The following GCNT2 variants were observed in gnomAD, a reference collection of about 807,000 sequenced individuals.
GCNT2 encodes N-acetyllactosaminide beta-1,6-N-acetylglucosaminyl-transferase.
GCNT2 carries 34 observed loss-of-function variants against 34.2 expected under a neutral mutation model. The ratio of observed to expected loss-of-function variants is 1.00; its 90% CI spans 0.76 to 1.32. The LOEUF (loss-of-function observed/expected upper bound fraction) is 1.32. GCNT2 is among the 40% of genes most tolerant of loss of function. GCNT2 has a pLI of 0.00. For synonymous variants in GCNT2, 212 were observed against 188.0 expected (o/e 1.13, Z -1.04); for missense variants, 584 against 489.4 (o/e 1.19, Z -1.82).
chr6:10,543,634 C>T (rs1581383677), intron 3 of GCNT2, among the ~76,000 whole-genome samples: 1 of 152,098 alleles, frequency 6.6e-6, no homozygotes, highest in East Asian at 1.9e-4. Context: ...TTTAGTTTAG[C>T]CCTTCTAGTG....
In GCNT2 at chr6:10,617,298, C is replaced by T. The variant is rs1021515814; in HGVS notation, c.926-4053C>T. 1.0e-3 allele frequency among the ~76,000 whole-genome samples: 155 copies of T among 152,334 alleles called. 1 individual carries two copies. Among genetic ancestry groups the T allele is most frequent in the African/African-American group, 3.5e-3 (147 of 41,580 alleles). On this transcript the variant is annotated intron_variant, in intron 3 of 4. Coordinates refer to ENST00000495262, the MANE Select transcript of GCNT2 (RefSeq NM_145649.5). ...CACTGCCCCGGGCGGCGGGGCCGGCCGGCTTCTCCGAGTGCTGGGCGCCCC... is the reference window on the plus strand; with the variant it reads ...CACTGCCCCGGGCGGCGGGGCCGGCTGGCTTCTCCGAGTGCTGGGCGCCCC...
At chr6:10,581,958 A>G in intron 3 of GCNT2, 1 of 498,202 alleles carries the variant, frequency 2.0e-6, no homozygotes, top group Non-Finnish European at 2.6e-6. Context: ...ATAATAAAAT[A>G]GTAATATATA....
chr6:10,574,137 G>A (rs894506111), intron 3 of GCNT2, among the ~76,000 whole-genome samples: 2 of 152,194 alleles, frequency 1.3e-5, no homozygotes, highest in African/African-American at 4.8e-5. Context: ...TTCTGTAGAA[G>A]AAGAAAGGAA....
chr6:10,552,803 A>G (rs1485120396), intron 3 of GCNT2, among the ~76,000 whole-genome samples: 2 of 152,158 alleles, frequency 1.3e-5, no homozygotes, highest in Non-Finnish European at 2.9e-5. Context: ...AGGGGAAAAA[A>G]CAAATCTCTG....
Position 10,529,253 on chromosome 6 carries a change from C to G in GCNT2, c.342C>G (p.Phe114Leu), listed in dbSNP as rs746388439. 8 of 1,614,004 alleles carry G rather than the reference C, an allele frequency of 5.0e-6. No homozygotes were observed. The highest frequency in any genetic ancestry group is 6.8e-6 in the Non-Finnish European group (8 of 1,180,016). Residue 114 changes from phenylalanine (F) to leucine (L), a missense_variant, in exon 3 of 5, where the codon TTC (phenylalanine) becomes TTG (leucine). Coordinates refer to ENST00000495262, the MANE Select transcript of GCNT2 (RefSeq NM_145649.5). ...HKDFGTFERL[F>L]RAIYMPQNVY... The stretch of plus-strand genomic sequence containing the variant: ...ACTTCGGCACTTTTGAGAGGCTCTT[C>G]AGGGCGATTTATATGCCCCAAAATG...
chr6:10,597,853 T>G (rs4712775), intron 3 of GCNT2, among the ~76,000 whole-genome samples: 75,615 of 152,082 alleles, frequency 0.5, 19,344 homozygotes, highest in Admixed American at 0.65. Context: ...ACTGCACAGT[T>G]AAAAACAGTA....
chr6:10,589,285 TGTGTGTG>T (rs1168452036), intron 3 of GCNT2, among the ~76,000 whole-genome samples: 1 of 149,320 alleles, frequency 6.7e-6, no homozygotes, highest in African/African-American at 2.5e-5. Flanking sequence ...GTGTTTCTAG[TGTGTGTG>T]GTGTGTAGTG....
chr6:10,533,711 C>T (rs1273449338), intron 3 of GCNT2, among the ~76,000 whole-genome samples: 3 of 138,326 alleles, frequency 2.2e-5, no homozygotes, highest in African/African-American at 8.3e-5. Context: ...ATCGCTTCAG[C>T]GATTTAGGAG....
intron 3 of GCNT2, chr6:10,557,065 C>A: frequency 6.2e-7 from 1 of 1,603,266 alleles, no homozygotes; most frequent in Non-Finnish European, 8.5e-7. Context: ...AAAATATCAC[C>A]CCAGGGGTGC....
At position 10,599,574 on chromosome 6, in the gene GCNT2, C is replaced by T. The variant is rs369563170; in HGVS notation, c.926-21777C>T. Among the ~76,000 whole-genome samples, 19 of 152,198 alleles carry T rather than the reference C, an allele frequency of 1.2e-4. No homozygotes were observed. In the East Asian group the frequency reaches 1.4e-3, roughly 11 times the overall value. On this transcript the variant is annotated intron_variant, in intron 3 of 4. Transcript: ENST00000495262. ...CATGAGGCCATGTACCTTCAGAGTC[C>T]GCCAGTGGTCCCCAGAGAATTGAGA...
At chr6:10,538,437 A>AAATAT (rs1554127249) in intron 3 of GCNT2, among the ~76,000 whole-genome samples, 82 of 73,316 alleles carry the variant, frequency 1.1e-3, no homozygotes, top group Non-Finnish European at 1.5e-3. Context: ...AAAAAAAAAA[A>AAATAT]ATATATATAT....
In GCNT2 at chr6:10,528,947, G is replaced by A. The variant is rs142352495; in HGVS notation, c.36G>A (p.Ala12=). Reference sequence around the variant, plus strand: ...CTTGGAAGCACTGTCTTTTTAGCGCGTCTCTTATCTCTGCCCTGATTTTTG... The same window carrying A: ...CTTGGAAGCACTGTCTTTTTAGCGCATCTCTTATCTCTGCCCTGATTTTTG... ...MGSWKHCLFS[A]SLISALIFVF... is the part of the protein sequence containing the mutation. Residue 12 remains alanine (A), a synonymous_variant, in exon 3 of 5, where the codon GCG becomes GCA. Coordinates refer to ENST00000495262, the MANE Select transcript of GCNT2 (RefSeq NM_145649.5). 71 of 1,613,900 alleles carry A rather than the reference G, an allele frequency of 4.4e-5. 1 individual carries two copies. The Middle Eastern group carries it at 6.6e-4, about 15-fold the overall frequency.
chr6:10,575,576 G>A (rs596432), intron 3 of GCNT2, among the ~76,000 whole-genome samples: 3,294 of 152,136 alleles, frequency 0.022, 106 homozygotes, highest in African/African-American at 0.073. Context: ...CTGAGCCCAA[G>A]CCAAGCCATC....
At chr6:10,613,016 C>T (rs1338150182) in intron 3 of GCNT2, among the ~76,000 whole-genome samples, 1 of 152,182 alleles carries the variant, frequency 6.6e-6, no homozygotes, top group African/African-American at 2.4e-5. Context: ...ATATTCTCAT[C>T]AGCATTGACT....
chr6:10,549,563 C>CTTTT (rs33909973), intron 3 of GCNT2, among the ~76,000 whole-genome samples: 14 of 104,304 alleles, frequency 1.3e-4, no homozygotes, highest in Non-Finnish European at 2.2e-4. Context: ...ATCTCTCTCT[C>CTTTT]TTTTTTTTTT....
intron 3 of GCNT2, among the ~76,000 whole-genome samples, chr6:10,540,174 G>A (rs886414396): frequency 6.6e-6 from 1 of 152,024 alleles, no homozygotes; most frequent in African/African-American, 2.4e-5. Context: ...GAATAAATTA[G>A]GTATGTGGCT....
chr6:10,558,659 C>T (rs1162742389), intron 3 of GCNT2, among the ~76,000 whole-genome samples: 4 of 152,212 alleles, frequency 2.6e-5, no homozygotes, highest in Admixed American at 6.5e-5. Flanking sequence ...ATTGTTCTGG[C>T]TGTTGGGGGA....
chr6:10,589,333 AGTGT>A (rs959434993), intron 3 of GCNT2, among the ~76,000 whole-genome samples: 6 of 98,030 alleles, frequency 6.1e-5, no homozygotes, highest in Non-Finnish European at 9.3e-5. Flanking sequence ...GTGTGTTTGT[AGTGT>A]GTGTGTAGTG....
intron 4 of GCNT2, among the ~76,000 whole-genome samples, chr6:10,624,169 C>T (rs770643535): frequency 3.3e-5 from 5 of 152,174 alleles, no homozygotes; most frequent in Non-Finnish European, 7.3e-5. Context: ...TCCTAAGGGA[C>T]ACCTTTTCAG....
Sources: allele counts gnomAD v4.1 joint callset (sites outside exome capture counted in the v4.1 genomes callset), GRCh38; gene constraint gnomAD v4.1.1; transcripts MANE v1.5; gene names NCBI Gene and HGNC (gene_info 2026-07-23, HGNC 2026-07-21).